ARHGAP8: variants seen among roughly 807,000 people sequenced by gnomAD.
The protein encoded by ARHGAP8 is Rho GTPase activating protein 8.
A neutral mutation model predicts 46.1 loss-of-function variants in ARHGAP8; 62 were observed. That is an observed-to-expected ratio of 1.34 (90% confidence interval 1.10 to 1.66). The LOEUF (loss-of-function observed/expected upper bound fraction) is 1.66. Ranked by LOEUF, ARHGAP8 falls within the 40% of genes most tolerant of loss-of-function variation. The pLI is 0.00. For synonymous variants in ARHGAP8, 375 were observed against 243.1 expected (o/e 1.54, Z -5.05); for missense variants, 923 against 568.4 (o/e 1.62, Z -6.34).
intron 11 of ARHGAP8, 56 bp downstream of exon 11, chr22:44,859,890 T>G: frequency 1.3e-6 from 2 of 1,577,642 alleles, no homozygotes; most frequent in Middle Eastern, 1.7e-4. Flanking sequence ...CCTCCCATGC[T>G]GGGCCCGCAT....
intron 1 of ARHGAP8, among the ~76,000 whole-genome samples, chr22:44,774,518 ATTTTTTTTTTTT>A (rs132473): frequency 2.5e-5 from 3 of 119,504 alleles, no homozygotes; most frequent in East Asian, 2.3e-4. Flanking sequence ...TCTTTGGGAG[ATTTTTTTTTTTT>A]TTTTTTTTTG....
At chr22:44,808,537 G>T in intron 4 of ARHGAP8, 99 bp downstream of exon 4, 1 of 1,531,348 alleles carries the variant, frequency 6.5e-7, no homozygotes, top group Non-Finnish European at 8.8e-7. Flanking sequence ...AGTGGGGGAG[G>T]GGTCTGGTAG....
In ARHGAP8 at chr22:44,841,941, C is replaced by T. The variant is rs573797100; in HGVS notation, c.597-3328C>T. ...TGTTGACGGCACCACAGTCTACTCC[C>T]GTGTGGCTCCTGATCAGCACCAGGT... On this transcript the variant is annotated intron_variant, in intron 7 of 11. Transcript: ENST00000356099. 5.3e-5 allele frequency among the ~76,000 whole-genome samples: 8 copies of T among 152,312 alleles called. No individual in the cohort carries two copies. The East Asian group carries it at 1.3e-3, about 26-fold the overall frequency.
intron 11 of ARHGAP8, among the ~76,000 whole-genome samples, 185 bp downstream of exon 11, chr22:44,860,019 A>G (rs5845678): frequency 0.058 from 2,269 of 39,236 alleles, 64 homozygotes; most frequent in African/African-American, 0.13. Context: ...GCTGCTGCGG[A>G]CCTCCTGCCT....
chr22:44,835,083 A>G (rs866656137), intron 7 of ARHGAP8, among the ~76,000 whole-genome samples: 17 of 151,974 alleles, frequency 1.1e-4, no homozygotes, highest in African/African-American at 3.9e-4. Context: ...TAATCCATTT[A>G]CATTTAGTGT....
chr22:44,779,639 G>A (rs1037904773), intron 1 of ARHGAP8, among the ~76,000 whole-genome samples: 2 of 145,792 alleles, frequency 1.4e-5, no homozygotes, highest in Non-Finnish European at 3.0e-5. Flanking sequence ...TCGGCTCACT[G>A]CAACCTCTGC....
intron 8 of ARHGAP8, among the ~76,000 whole-genome samples, chr22:44,845,926 C>G (rs1428366512): frequency 6.6e-6 from 1 of 152,194 alleles, no homozygotes; most frequent in Non-Finnish European, 1.5e-5. Flanking sequence ...CCTGGCACCA[C>G]AGCTGCAGGT....
At chr22:44,808,510 G>T in intron 4 of ARHGAP8, 72 bp downstream of exon 4, 2 of 1,579,308 alleles carry the variant, frequency 1.3e-6, no homozygotes, top group South Asian at 1.2e-5. Flanking sequence ...GTGGCCACAA[G>T]GGGTCGCAGA....
intron 9 of ARHGAP8, among the ~76,000 whole-genome samples, 187 bp from the exon 10 acceptor site, chr22:44,848,745 T>C (rs897480410): frequency 4.6e-5 from 7 of 152,122 alleles, no homozygotes; most frequent in Non-Finnish European, 7.4e-5. Context: ...GTTAGGGTAG[T>C]GTAGGGGCTG....
intron 4 of ARHGAP8, among the ~76,000 whole-genome samples, chr22:44,812,252 CAG>C (rs1247028577): frequency 6.6e-6 from 1 of 152,058 alleles, no homozygotes; most frequent in Non-Finnish European, 1.5e-5. Context: ...AGCTCAGTCT[CAG>C]GGTGAACCTT....
intron 7 of ARHGAP8, 140 bp downstream of exon 7, chr22:44,825,733 C>T: frequency 1.9e-6 from 2 of 1,078,754 alleles, no homozygotes; most frequent in Non-Finnish European, 2.6e-6. Flanking sequence ...AAAGCCTGAG[C>T]TCATCACTGA....
In ARHGAP8 at chr22:44,862,415, C is replaced by T. The variant is rs149982577; in HGVS notation, c.1122C>T (p.Ile374=). The T allele has an allele frequency of 3.3e-4, 529 of 1,614,070 alleles. No homozygotes were observed. The highest frequency in any genetic ancestry group is 2.0e-3 in the African/African-American group (152 of 75,018). Residue 374 remains isoleucine (I), a synonymous_variant, in exon 12 of 12, where the codon ATC becomes ATT. Coordinates refer to ENST00000356099, the MANE Select transcript of ARHGAP8 (RefSeq NM_181335.3). ...VPLNMFTELL[I]EYYEKIFSTP... ...TGAACATGTTCACTGAACTGCTGAT[C>T]GAGTACTATGAAAAGATCTTCAGCA...
intron 1 of ARHGAP8, among the ~76,000 whole-genome samples, chr22:44,753,618 G>C (rs76322894): frequency 6.6e-6 from 1 of 151,338 alleles, no homozygotes; most frequent in Admixed American, 6.6e-5. Context: ...CCTGTGGGGG[G>C]TGGGGGGGCT....
intron 7 of ARHGAP8, 30 bp from the exon 8 acceptor site, chr22:44,845,239 A>G: frequency 6.2e-7 from 1 of 1,613,826 alleles, no homozygotes; most frequent in Non-Finnish European, 8.5e-7. Context: ...GCTCAGGTAA[A>G]AACTGCGACT....
intron 7 of ARHGAP8, among the ~76,000 whole-genome samples, chr22:44,834,821 C>A (rs756789184): frequency 1.6e-5 from 2 of 128,200 alleles, no homozygotes; most frequent in African/African-American, 3.0e-5. Flanking sequence ...TTCTTACTTT[C>A]TTATGAATCC....
At chr22:44,804,693 G>A (rs1050385593) in intron 3 of ARHGAP8, among the ~76,000 whole-genome samples, 1 of 152,154 alleles carries the variant, frequency 6.6e-6, no homozygotes, top group African/African-American at 2.4e-5. Context: ...GACTCAGGGA[G>A]TGGGCTCGAC....
rs550569080 is a variant in ARHGAP8 at position 44,854,517 on chromosome 22, G to T, written c.878-5214G>T. Among the ~76,000 whole-genome samples the T allele has an allele frequency of 2.0e-3, 299 of 152,234 alleles. 2 individuals carry two copies. Among genetic ancestry groups the T allele is most frequent in the Non-Finnish European group, 3.6e-3 (242 of 68,016 alleles). On this transcript the variant is annotated intron_variant, in intron 10 of 11. Coordinates refer to ENST00000356099, the MANE Select transcript of ARHGAP8 (RefSeq NM_181335.3). ...TAAAGTGCTGGGATTATAGGCATGA[G>T]CCACCATGCCAGGCCCTTGTTATGC...
At chr22:44,810,618 GCGTAATCA>G (rs1424228179) in intron 4 of ARHGAP8, among the ~76,000 whole-genome samples, 2 of 152,188 alleles carry the variant, frequency 1.3e-5, no homozygotes, top group African/African-American at 4.8e-5. Flanking sequence ...GTTCCAGCTG[GCGTAATCA>G]GGAAGGCTGC....
chr22:44,814,506 T>C (rs1602214859), intron 4 of ARHGAP8, among the ~76,000 whole-genome samples, 166 bp from the exon 5 acceptor site: 1 of 152,278 alleles, frequency 6.6e-6, no homozygotes, highest in East Asian at 1.9e-4. Context: ...GGGGTCCTGA[T>C]TTTCCCCGAG....
Sources: allele counts gnomAD v4.1 joint callset (sites outside exome capture counted in the v4.1 genomes callset), GRCh38; gene constraint gnomAD v4.1.1; transcripts MANE v1.5; gene names NCBI Gene and HGNC (gene_info 2026-07-23, HGNC 2026-07-21).